The following SMIM8 variants were observed in gnomAD, a reference collection of about 807,000 sequenced individuals.
SMIM8 encodes the protein UPF0708 protein C6orf162.
In SMIM8, 8 loss-of-function variants were observed where a neutral mutation model predicts 8.1. That is an observed-to-expected ratio of 0.99 (90% CI 0.58 to 1.78). The LOEUF (loss-of-function observed/expected upper bound fraction) is 1.78. SMIM8 is among the 40% of genes most tolerant of loss of function. The pLI, the probability that SMIM8 is intolerant of heterozygous loss-of-function variation, is 0.00. For synonymous variants in SMIM8, 45 were observed against 39.7 expected (o/e 1.13, Z -0.50); for missense variants, 126 against 119.8 (o/e 1.05, Z -0.24).
At chr6:87,339,580 T>A (rs942780799) in intron 3 of SMIM8, among the ~76,000 whole-genome samples, 10 of 152,118 alleles carry the variant, frequency 6.6e-5, no homozygotes, top group Admixed American at 6.6e-4. Flanking sequence ...TGGAGTAGTT[T>A]CCCAGAGAAG....
Position 87,337,173 on chromosome 6 carries a change from A to C in SMIM8, c.135+7A>C. ...AGAGCTCTTCATTAAACCTGTAAGA[A>C]ATACATCCAGGATAAGACTTTGTGT... On this transcript the variant is annotated splice_region_variant and intron_variant, in intron 3 of 3. Coordinates refer to ENST00000392863, the MANE Select transcript of SMIM8 (RefSeq NM_001042493.3). The C allele has an allele frequency of 6.2e-7, 1 of 1,605,664 alleles. No homozygotes were observed. Among genetic ancestry groups the C allele is most frequent in the Non-Finnish European group, 8.5e-7 (1 of 1,176,152 alleles).
intron 3 of SMIM8, among the ~76,000 whole-genome samples, chr6:87,337,800 A>C (rs952898915): frequency 2.6e-5 from 4 of 151,934 alleles, no homozygotes; most frequent in African/African-American, 9.7e-5. Context: ...CTCATTTTTA[A>C]AATTTTTTGT....
intron 2 of SMIM8, among the ~76,000 whole-genome samples, chr6:87,332,727 A>G (rs1777022243): frequency 4.5e-5 from 1 of 22,464 alleles, no homozygotes; most frequent in African/African-American, 2.5e-4. Flanking sequence ...ATCACCTTGG[A>G]AAAATGCTGT....
intron 1 of SMIM8, among the ~76,000 whole-genome samples, chr6:87,326,040 T>A (rs1023047607): frequency 2.1e-4 from 32 of 152,260 alleles, no homozygotes; most frequent in Admixed American, 1.4e-3. Context: ...CTAGATTTTC[T>A]AGTTTATTTG....
chr6:87,334,830 G>A (rs986623184), intron 2 of SMIM8, among the ~76,000 whole-genome samples: 9 of 152,204 alleles, frequency 5.9e-5, no homozygotes, highest in Non-Finnish European at 1.0e-4. Context: ...TGAGAGATGT[G>A]TTACTGAATA....
chr6:87,325,066 CTG>C lies in SMIM8; in HGVS notation c.-45+2436_-45+2437del, dbSNP rs550327216. On this transcript the variant is annotated intron_variant, in intron 1 of 3. Transcript: ENST00000392863. ...GGGAGTTCACTCATGATTTGGCTCT[CTG>C]TTTGTTGCTGGTGTATAAGAATGCT... Among the ~76,000 whole-genome samples, 906 of 151,768 alleles carry C rather than the reference CTG, an allele frequency of 6.0e-3. 5 individuals are homozygous for C. Among genetic ancestry groups the C allele is most frequent in the South Asian group, 0.018 (87 of 4,806 alleles).
chr6:87,325,017 A>G (rs532620896), intron 1 of SMIM8, among the ~76,000 whole-genome samples: 11,570 of 151,798 alleles, frequency 0.076, 956 homozygotes, highest in African/African-American at 0.21. Context: ...TAGGTATTTT[A>G]TTCTCTTTGA....
At chr6:87,335,001 A>G (rs1777076465) in intron 2 of SMIM8, among the ~76,000 whole-genome samples, 1 of 152,218 alleles carries the variant, frequency 6.6e-6, no homozygotes, top group Non-Finnish European at 1.5e-5. Flanking sequence ...GGATCAGGGT[A>G]CAGTTGGCAC....
In SMIM8 at chr6:87,339,248, G is replaced by A. The variant is rs145148317; in HGVS notation, c.136-868G>A. On this transcript the variant is annotated intron_variant, in intron 3 of 3. Coordinates refer to ENST00000392863, the MANE Select transcript of SMIM8 (RefSeq NM_001042493.3). The stretch of plus-strand genomic sequence containing the variant: ...GCCCAGGAGTTTGAGACTGCAGTGA[G>A]CTATGATTGCACCACTGCACTCCAG... Among the ~76,000 whole-genome samples the A allele has an allele frequency of 4.9e-3, 745 of 152,124 alleles. 6 individuals carry two copies. The highest frequency in any genetic ancestry group is 7.2e-3 in the Non-Finnish European group (490 of 68,002).
In SMIM8 at chr6:87,341,544, T is replaced by C. The variant is rs398140; in HGVS notation, c.*1270T>C. 0.58 allele frequency: 213,124 copies of C among 368,918 alleles called. 62,134 individuals carry two copies. The highest frequency in any genetic ancestry group is 0.6 in the Non-Finnish European group (124,266 of 208,250). The allele number at this position is 368,918 out of a possible 1,614,324, so 22.9% of individuals were successfully genotyped here. On this transcript the variant is annotated 3_prime_UTR_variant, in exon 4 of 4. Coordinates refer to ENST00000392863, the MANE Select transcript of SMIM8 (RefSeq NM_001042493.3). ...GTCATTGGGCCTCAGTAGTAAATCTTACCTCTGAAGTCTTGCTTCAGTCGC... is the reference window on the plus strand; with the variant it reads ...GTCATTGGGCCTCAGTAGTAAATCTCACCTCTGAAGTCTTGCTTCAGTCGC...
At chr6:87,328,585 C>CA (rs1180336194) in intron 1 of SMIM8, among the ~76,000 whole-genome samples, 1 of 152,128 alleles carries the variant, frequency 6.6e-6, no homozygotes, top group Non-Finnish European at 1.5e-5. Context: ...GTCAGGGACC[C>CA]ACTTGAGGAG....
At chr6:87,335,296 A>G (rs1777081761) in intron 2 of SMIM8, among the ~76,000 whole-genome samples, 1 of 152,218 alleles carries the variant, frequency 6.6e-6, no homozygotes, top group Admixed American at 6.5e-5. Flanking sequence ...TTAATTTTGA[A>G]GACTGTGTGG....
At chr6:87,332,647 A>G (rs1162987173) in intron 2 of SMIM8, among the ~76,000 whole-genome samples, 1 of 36,476 alleles carries the variant, frequency 2.7e-5, no homozygotes, top group African/African-American at 1.4e-4. Flanking sequence ...CACACAAAGT[A>G]TATGTAATAA....
chr6:87,339,260 C>G (rs1777169832), intron 3 of SMIM8, among the ~76,000 whole-genome samples: 1 of 151,918 alleles, frequency 6.6e-6, no homozygotes. Flanking sequence ...TATGATTGCA[C>G]CACTGCACTC....
At chr6:87,327,299 A>T (rs193257377) in intron 1 of SMIM8, among the ~76,000 whole-genome samples, 9 of 150,416 alleles carry the variant, frequency 6.0e-5, no homozygotes, top group Non-Finnish European at 1.2e-4. Flanking sequence ...TGTGAATTTG[A>T]TCCTGTCATT....
At chr6:87,324,983 C>A (rs1776780959) in intron 1 of SMIM8, among the ~76,000 whole-genome samples, 1 of 152,010 alleles carries the variant, frequency 6.6e-6, no homozygotes, top group African/African-American at 2.4e-5. Flanking sequence ...AGAGGTCCTT[C>A]ACATCCCTTG....
At chr6:87,323,944 T>A (rs1356529704) in intron 1 of SMIM8, among the ~76,000 whole-genome samples, 2 of 151,842 alleles carry the variant, frequency 1.3e-5, no homozygotes, top group African/African-American at 4.8e-5. Context: ...TGTTGTTTCC[T>A]GACTTTTTAA....
intron 1 of SMIM8, among the ~76,000 whole-genome samples, chr6:87,326,187 A>G (rs922510131): frequency 1.3e-5 from 2 of 152,236 alleles, no homozygotes; most frequent in South Asian, 2.1e-4. Context: ...CTAGCGGTCT[A>G]TCAATTTTGT....
At chr6:87,330,505 A>G (rs560036773) in intron 1 of SMIM8, among the ~76,000 whole-genome samples, 187 bp from the exon 2 acceptor site, 1 of 152,254 alleles carries the variant, frequency 6.6e-6, no homozygotes, top group Non-Finnish European at 1.5e-5. Flanking sequence ...AGGGAAAATC[A>G]TTCAAAAATG....
Sources: gnomAD v4.1 joint callset for allele counts (sites outside exome capture counted in the v4.1 genomes callset) on GRCh38, gnomAD v4.1.1 for gene constraint, MANE v1.5 for transcripts, NCBI Gene and HGNC (gene_info 2026-07-23, HGNC 2026-07-21) for gene names.